IRAG1: variants seen among roughly 807,000 people sequenced by gnomAD.
IRAG1 encodes IP3R-associated cGMP kinase substrate.
A neutral mutation model predicts 106.2 loss-of-function variants in IRAG1; 62 were observed. That is an observed-to-expected ratio of 0.58 (90% CI 0.48 to 0.72). The LOEUF (loss-of-function observed/expected upper bound fraction) is 0.72. IRAG1 is among the 30% of genes least tolerant of loss of function. The pLI, the probability that IRAG1 is intolerant of heterozygous loss-of-function variation, is 0.00. For missense variants in IRAG1, 1,064 were observed against 1,140.7 expected (o/e 0.93, Z 0.97); for synonymous variants, 462 against 443.9 (o/e 1.04, Z -0.51).
At chr11:10,578,197 T>C (rs1295343216) in intron 20 of IRAG1, among the ~76,000 whole-genome samples, 1 of 152,230 alleles carries the variant, frequency 6.6e-6, no homozygotes, top group Non-Finnish European at 1.5e-5. Context: ...TAGAAGTCAA[T>C]TTTTGGTTAT....
At chr11:10,693,506 A>ATTG (rs1862225039) in intron 1 of IRAG1, 30 bp downstream of exon 1, 2 of 1,535,168 alleles carry the variant, frequency 1.3e-6, no homozygotes, top group African/African-American at 2.7e-5. Flanking sequence ...CCGAAGAGGC[A>ATTG]GGTTATTCTA....
chr11:10,623,109 G>A (rs1219585689), intron 10 of IRAG1, among the ~76,000 whole-genome samples: 3 of 152,184 alleles, frequency 2.0e-5, no homozygotes, highest in African/African-American at 7.2e-5. Flanking sequence ...TGGTAGCAGG[G>A]CTTACAGTTC....
chr11:10,603,626 G>T (rs199634728), intron 13 of IRAG1, among the ~76,000 whole-genome samples: 2 of 152,066 alleles, frequency 1.3e-5, no homozygotes, highest in Non-Finnish European at 2.9e-5. Context: ...CAGGGGATGC[G>T]GACCACTGGG....
At chr11:10,689,807 T>C (rs71476878) in intron 1 of IRAG1, among the ~76,000 whole-genome samples, 1,600 of 152,342 alleles carry the variant, frequency 0.011, 17 homozygotes, top group Middle Eastern at 0.031. Flanking sequence ...TTACAAAATA[T>C]AGAGAAATGT....
chr11:10,630,579 C>T (rs976795824), intron 4 of IRAG1, among the ~76,000 whole-genome samples: 3 of 152,180 alleles, frequency 2.0e-5, no homozygotes, highest in African/African-American at 4.8e-5. Flanking sequence ...CCATCCCATC[C>T]CCCACTGCCT....
intron 10 of IRAG1, among the ~76,000 whole-genome samples, chr11:10,620,769 T>G (rs997232046): frequency 6.6e-6 from 1 of 152,230 alleles, no homozygotes; most frequent in African/African-American, 2.4e-5. Flanking sequence ...ATGCAAATGT[T>G]TCTACTCTTT....
intron 11 of IRAG1, among the ~76,000 whole-genome samples, chr11:10,609,031 T>C (rs724724): frequency 0.05 from 7,571 of 152,298 alleles, 419 homozygotes; most frequent in African/African-American, 0.14. Flanking sequence ...CACTCTTTTG[T>C]ATGTGGCTAT....
chr11:10,591,945 C>T (rs959186709), intron 17 of IRAG1, among the ~76,000 whole-genome samples: 2 of 152,164 alleles, frequency 1.3e-5, no homozygotes, highest in African/African-American at 4.8e-5. Context: ...GACTGAACAC[C>T]AGTGGGCCTC....
intron 1 of IRAG1, among the ~76,000 whole-genome samples, chr11:10,680,404 G>GGAAGGAAGGAAGGAAGGAAGGAAAGAAA (rs71034778): frequency 1.2e-5 from 1 of 82,090 alleles, no homozygotes; most frequent in Admixed American, 1.5e-4. Context: ...AAGGAAGGAA[G>GGAAGGAAGGAAGGAAGGAAGGAAAGAAA]GAAAGAAAGG....
chr11:10,606,830 G>A (rs1854515217), intron 11 of IRAG1, 58 bp from the exon 12 acceptor site: 2 of 1,495,534 alleles, frequency 1.3e-6, no homozygotes, highest in Admixed American at 2.3e-5. Context: ...AGACCCAAAG[G>A]TGACTCTGAA....
Position 10,629,686 on chromosome 11 carries a change from C to T in IRAG1, c.426G>A (p.Leu142=). The T allele has an allele frequency of 6.2e-7, 1 of 1,613,780 alleles. No homozygotes were observed. Among genetic ancestry groups the T allele is most frequent in the Non-Finnish European group, 8.5e-7 (1 of 1,179,820 alleles). ...TGATGTCTGGCAGCTGGTCATTCAC[C>T]AGGTCAATGATGTGCCCCGCGGGGT... ...SVDPAGHIID[L]VNDQLPDISI... Residue 142 remains leucine (L), a synonymous_variant, in exon 5 of 21, where the codon CTG becomes CTA. Transcript: ENST00000423302.
chr11:10,591,748 C>T, intron 17 of IRAG1, 136 bp from the exon 18 acceptor site: 1 of 798,076 alleles, frequency 1.3e-6, no homozygotes. Flanking sequence ...TTCCAATCTT[C>T]ATCTGAGCCC....
intron 20 of IRAG1, among the ~76,000 whole-genome samples, chr11:10,577,023 T>G (rs1264556259): frequency 6.6e-6 from 1 of 152,238 alleles, no homozygotes; most frequent in East Asian, 1.9e-4. Context: ...AACCTGTGCC[T>G]TGCCTCAGAT....
chr11:10,590,998 A>G (rs1326150623), intron 18 of IRAG1, among the ~76,000 whole-genome samples: 1 of 152,238 alleles, frequency 6.6e-6, no homozygotes, highest in Non-Finnish European at 1.5e-5. Flanking sequence ...CAATGAGATA[A>G]TAGAGAAGAC....
At chr11:10,676,145 A>G (rs897493468) in intron 1 of IRAG1, among the ~76,000 whole-genome samples, 6 of 152,238 alleles carry the variant, frequency 3.9e-5, no homozygotes, top group Non-Finnish European at 7.3e-5. Context: ...ACTGCCTCTT[A>G]GTGGCTTCGC....
Position 10,647,785 on chromosome 11 carries a change from A to T in IRAG1, c.225+4240T>A, listed in dbSNP as rs142710617. On this transcript the variant is annotated intron_variant, in intron 2 of 20. Transcript: ENST00000423302. The surrounding 1 kb of genome is among the most constrained non-coding windows in gnomAD (Gnocchi z 4.3). ...CCTGGGGCCAGGTCTGGGGCCCTAC[A>T]GTAAGGCGGAGATGGGCTGGTATGT... 1.6e-3 allele frequency among the ~76,000 whole-genome samples: 238 copies of T among 152,262 alleles called. 1 individual carries two copies. Among genetic ancestry groups the T allele is most frequent in the African/African-American group, 5.2e-3 (214 of 41,552 alleles).
At chr11:10,672,295 A>T (rs1336375808) in intron 1 of IRAG1, among the ~76,000 whole-genome samples, 1 of 152,228 alleles carries the variant, frequency 6.6e-6, no homozygotes, top group East Asian at 1.9e-4. Context: ...GCCTTCTTAG[A>T]TACAACACCA....
chr11:10,691,182 C>A (rs965404091), intron 1 of IRAG1, among the ~76,000 whole-genome samples: 1 of 152,176 alleles, frequency 6.6e-6, no homozygotes, highest in African/African-American at 2.4e-5. Context: ...AAAATCAACC[C>A]AGGGCCCTGT....
At chr11:10,605,990 T>C (rs1338153173) in intron 12 of IRAG1, among the ~76,000 whole-genome samples, 3 of 152,336 alleles carry the variant, frequency 2.0e-5, no homozygotes, top group Middle Eastern at 6.8e-3. Context: ...TTGTGCTGAT[T>C]CCTGCTCCAC....
Sources: allele counts gnomAD v4.1 joint callset (sites outside exome capture counted in the v4.1 genomes callset), GRCh38; gene constraint gnomAD v4.1.1; non-coding constraint Gnocchi (gnomAD v3.1); transcripts MANE v1.5; gene names NCBI Gene and HGNC (gene_info 2026-07-23, HGNC 2026-07-21).